The following ZNF875 variants were observed in gnomAD, a reference collection of about 807,000 sequenced individuals.
ZNF875 encodes the protein zinc finger protein 875, also known as HKR1, GLI-Kruppel zinc finger family member.
Under a neutral mutation model 11.2 loss-of-function variants are expected in ZNF875, and 14 were observed. The ratio of observed to expected loss-of-function variants is 1.26; its 90% CI spans 0.83 to 1.96. The LOEUF (loss-of-function observed/expected upper bound fraction) is 1.96. Among genes scored for constraint, ZNF875 ranks in the 30% most tolerant of loss-of-function variants. The pLI, the probability that ZNF875 is intolerant of heterozygous loss-of-function variation, is 0.00. For missense variants in ZNF875, 752 were observed against 760.4 expected, an observed-to-expected ratio of 0.99 and a Z score of 0.13; for synonymous variants, 301 against 281.1, an observed-to-expected ratio of 1.07 and a Z score of -0.71.
intron 2 of ZNF875, among the ~76,000 whole-genome samples, chr19:37,322,896 G>T (rs184597682): frequency 6.6e-6 from 1 of 152,194 alleles, no homozygotes; most frequent in African/African-American, 2.4e-5. Context: ...GATGTAATTT[G>T]GGCCTACATG....
At chr19:37,360,500 T>C (rs957469678) in intron 4 of ZNF875, among the ~76,000 whole-genome samples, 5 of 152,276 alleles carry the variant, frequency 3.3e-5, no homozygotes, top group African/African-American at 9.6e-5. Context: ...ACCATGATTA[T>C]GTTGAATCTG....
At chr19:37,346,998 G>A in intron 2 of ZNF875, 192 bp from the exon 3 acceptor site, 1 of 567,260 alleles carries the variant, frequency 1.8e-6, no homozygotes, top group Admixed American at 3.1e-5. Context: ...TGTATTTTTA[G>A]TAGAGACGGG....
At chr19:37,347,437 T>G in intron 3 of ZNF875, 121 bp downstream of exon 3, 1 of 949,934 alleles carries the variant, frequency 1.1e-6, no homozygotes. Context: ...CAATTTACTT[T>G]TTTCCTCTGG....
At chr19:37,353,346 C>T (rs188392579) in intron 4 of ZNF875, among the ~76,000 whole-genome samples, 13 of 152,290 alleles carry the variant, frequency 8.5e-5, no homozygotes, top group Non-Finnish European at 1.6e-4. Flanking sequence ...ACATTCCCCT[C>T]ATCTTCAGTG....
At chr19:37,344,487 A>G in intron 2 of ZNF875, 1 of 542,246 alleles carries the variant, frequency 1.8e-6, no homozygotes, top group Non-Finnish European at 3.3e-6. Context: ...TCTGAGCATC[A>G]GGAAAAGTGC....
At chr19:37,335,933 C>G (rs761822406) in intron 2 of ZNF875, among the ~76,000 whole-genome samples, 4 of 152,166 alleles carry the variant, frequency 2.6e-5, no homozygotes, top group Non-Finnish European at 5.9e-5. Flanking sequence ...GGAAGAGTGC[C>G]TCGTTCTAAC....
chr19:37,348,129 A>G (rs1230241402), intron 4 of ZNF875, among the ~76,000 whole-genome samples: 3 of 152,018 alleles, frequency 2.0e-5, no homozygotes, highest in African/African-American at 7.2e-5. Flanking sequence ...TTCCTCATTC[A>G]CTGTCTTCTT....
chr19:37,319,204 G>T (rs1366199944), intron 1 of ZNF875, among the ~76,000 whole-genome samples: 1 of 151,366 alleles, frequency 6.6e-6, no homozygotes, highest in South Asian at 2.1e-4. Context: ...GCACCATCAT[G>T]CCTGGCTAAT....
rs1251208381 is a variant in ZNF875 at position 37,335,238 on chromosome 19, T to C, written c.14T>C (p.Leu5Pro). Residue 5 changes from leucine (L) to proline (P), a missense_variant, in exon 2 of 5, where the codon CTC becomes CCC. Transcript: ENST00000392153. ...GAGACCAGGAAAATGGCCACAGGGC[T>C]CCTGAGAGCCAAAAAAGAGGTGAGA... MATG[L>P]LRAKKEAFVA... 2 of 701,884 alleles carry C rather than the reference T, an allele frequency of 2.8e-6. No individual in the cohort carries two copies. Among genetic ancestry groups the C allele is most frequent in the Admixed American group, 2.0e-5 (1 of 49,988 alleles). The allele number at this position is 701,884 out of a possible 1,614,324, so 43.5% of individuals were successfully genotyped here.
intron 3 of ZNF875, 29 bp from the exon 4 acceptor site, chr19:37,347,748 A>G: frequency 2.1e-6 from 3 of 1,438,362 alleles, no homozygotes; most frequent in Non-Finnish European, 2.9e-6. Context: ...CATAACCAAC[A>G]ATGTCCTCAT....
intron 4 of ZNF875, among the ~76,000 whole-genome samples, chr19:37,361,389 G>A (rs113773786): frequency 7.2e-5 from 11 of 152,166 alleles, no homozygotes; most frequent in South Asian, 2.1e-4. Flanking sequence ...GACTACAGGC[G>A]TCATAAGTTT....
upstream of ZNF875, among the ~76,000 whole-genome samples, chr19:37,333,518 C>G (rs888983752): frequency 6.6e-6 from 1 of 152,190 alleles, no homozygotes; most frequent in African/African-American, 2.4e-5. Context: ...TGTTGGAAGA[C>G]ATTCTGGAGG....
chr19:37,348,764 G>A (rs1397773180), intron 4 of ZNF875, among the ~76,000 whole-genome samples: 1 of 152,012 alleles, frequency 6.6e-6, no homozygotes, highest in Admixed American at 6.6e-5. Context: ...ATATGTCCTT[G>A]GGCACATAAG....
At chr19:37,346,247 CCT>C (rs1254356451) in intron 2 of ZNF875, 1 of 152,214 alleles carries the variant, frequency 6.6e-6, no homozygotes, top group African/African-American at 2.4e-5. Flanking sequence ...TAATCCTAAT[CCT>C]CACCACAAGC....
chr19:37,353,953 A>G (rs944633418), intron 4 of ZNF875, among the ~76,000 whole-genome samples: 6 of 152,018 alleles, frequency 3.9e-5, no homozygotes, highest in Non-Finnish European at 8.8e-5. Flanking sequence ...TATTATTTCA[A>G]TATTTTTCCT....
chr19:37,325,925 T>G (rs1342720987), intron 4 of ZNF875, among the ~76,000 whole-genome samples: 2 of 152,182 alleles, frequency 1.3e-5, no homozygotes, highest in Non-Finnish European at 2.9e-5. Context: ...TCCAGGCTGG[T>G]CTTGAACTCC....
chr19:37,321,869 T>C (rs1474849635), intron 1 of ZNF875, among the ~76,000 whole-genome samples: 1 of 152,178 alleles, frequency 6.6e-6, no homozygotes, highest in Non-Finnish European at 1.5e-5. Flanking sequence ...CACAGCAACA[T>C]GCCTATTAAT....
rs1233207140 is a variant in ZNF875, at chr19:37,318,524, C to CTTT, written c.-747+351_-747+353dup. 6.1e-3 allele frequency among the ~76,000 whole-genome samples: 849 copies of CTTT among 139,024 alleles called. 7 individuals carry two copies. The highest frequency in any genetic ancestry group is 0.021 in the African/African-American group (798 of 37,858). The allele number at this position is 139,024 out of a possible 152,430, so 91.2% of individuals were successfully genotyped here. A position where few individuals can be genotyped will look rare whatever the true frequency, so the allele number is the denominator to read the frequency against. On this transcript the variant is annotated intron_variant, in intron 1 of 5. Coordinates refer to the ZNF875 transcript ENST00000544914. ...GGCTTTATGAAATCATATTTGTTTT[C>CTTT]TTTTTTTTTTTTTTTGAGACAGAGT...
At position 37,347,190 on chromosome 19, in the gene ZNF875, G is replaced by GCGTT. The variant is rs2036962312; in HGVS notation, c.38_41dup (p.Ala15ArgfsTer35). The GCGTT allele has an allele frequency of 6.2e-7, 1 of 1,613,874 alleles. No individual in the cohort carries two copies. Among genetic ancestry groups the GCGTT allele is most frequent in the African/African-American group, 1.3e-5 (1 of 74,904 alleles). ...AGCAGAGGTGTGTTTTGTGTTAAAG[G>GCGTT]CGTTCGTGGCATTCAGGGATGTGGC... On this transcript the variant is annotated frameshift_variant and splice_region_variant, in exon 3 of 5. Coordinates refer to ENST00000392153, the MANE Select transcript of ZNF875 (RefSeq NM_001353803.2). LOFTEE classifies it high-confidence loss of function.
Sources: allele counts gnomAD v4.1 joint callset (sites outside exome capture counted in the v4.1 genomes callset), GRCh38; gene constraint gnomAD v4.1.1; transcripts MANE v1.5; gene names NCBI Gene and HGNC (gene_info 2026-07-23, HGNC 2026-07-21).